The following ELAPOR2 variants were observed in gnomAD, a reference collection of about 807,000 sequenced individuals.
The protein encoded by ELAPOR2 is endosome-lysosome associated apoptosis and autophagy regulator family member 2, also known as endosome/lysosome-associated apoptosis and autophagy regulator family member 2.
Under a neutral mutation model 120.7 loss-of-function variants are expected in ELAPOR2, and 89 were observed. The observed-to-expected ratio is 0.74, with a 90% CI of 0.62 to 0.88. The LOEUF is 0.88. ELAPOR2 is among the 40% of genes least tolerant of loss of function. The pLI, the probability that ELAPOR2 is intolerant of heterozygous loss-of-function variation, is 0.00. For missense variants in ELAPOR2, 1,134 were observed against 1,251.6 expected, an observed-to-expected ratio of 0.91 and a Z score of 1.42; for synonymous variants, 444 against 444.9, an observed-to-expected ratio of 1.00 and a Z score of 0.03.
intron 1 of ELAPOR2, among the ~76,000 whole-genome samples, chr7:87,047,825 G>T (rs1239841701): frequency 1.3e-5 from 2 of 152,158 alleles, no homozygotes; most frequent in East Asian, 3.8e-4. Context: ...TGCTGGTTAT[G>T]GACTCAAAAG....
At chr7:86,889,326 G>A (rs1012469961) in intron 21 of ELAPOR2, among the ~76,000 whole-genome samples, 1 of 151,994 alleles carries the variant, frequency 6.6e-6, no homozygotes, top group African/African-American at 2.4e-5. Flanking sequence ...CCACTTGATT[G>A]AGTTTACTGC....
intron 2 of ELAPOR2, among the ~76,000 whole-genome samples, chr7:86,952,691 A>G (rs900130085): frequency 2.0e-5 from 3 of 152,230 alleles, no homozygotes; most frequent in Non-Finnish European, 4.4e-5. Flanking sequence ...ATAAAAGGAA[A>G]ATAATAACAA....
chr7:86,896,953 G>A (rs1788465021), intron 19 of ELAPOR2, among the ~76,000 whole-genome samples: 1 of 151,748 alleles, frequency 6.6e-6, no homozygotes, highest in Admixed American at 6.6e-5. Flanking sequence ...TCTCTCAAAT[G>A]TCTAACAAAG....
intron 1 of ELAPOR2, among the ~76,000 whole-genome samples, chr7:87,034,808 C>T (rs955227134): frequency 6.6e-6 from 1 of 152,050 alleles, no homozygotes; most frequent in East Asian, 1.9e-4. Context: ...TGTGGCCAGG[C>T]GCAGTGGCTC....
intron 1 of ELAPOR2, among the ~76,000 whole-genome samples, chr7:87,049,292 T>TTA (rs1445708329): frequency 1.1e-4 from 16 of 151,394 alleles, no homozygotes; most frequent in African/African-American, 3.6e-4. Context: ...ATTTATTTAT[T>TTA]TTTTTTTGAG....
At chr7:86,891,093 A>C (rs1456867863) in intron 21 of ELAPOR2, 3 of 152,082 alleles carry the variant, frequency 2.0e-5, no homozygotes, top group Non-Finnish European at 4.4e-5. Context: ...TTGTTCCAAA[A>C]TCCAAAGCCA....
intron 1 of ELAPOR2, among the ~76,000 whole-genome samples, chr7:86,982,801 C>G: frequency 6.6e-6 from 1 of 152,162 alleles, no homozygotes. Flanking sequence ...CACAGCTCCT[C>G]GCCAGCAACA....
chr7:86,915,401 T>C (rs1481532835), intron 12 of ELAPOR2, among the ~76,000 whole-genome samples: 5 of 151,962 alleles, frequency 3.3e-5, no homozygotes, highest in Non-Finnish European at 7.4e-5. Context: ...GTTCATGAAA[T>C]CCTCTCTTGC....
At chr7:86,920,901 C>T (rs1789799835) in intron 10 of ELAPOR2, 1 of 152,198 alleles carries the variant, frequency 6.6e-6, no homozygotes, top group South Asian at 2.1e-4. Flanking sequence ...AACTCTACAA[C>T]CCGACTCCCC....
intron 21 of ELAPOR2, among the ~76,000 whole-genome samples, chr7:86,890,701 G>T (rs1030011360): frequency 6.6e-6 from 1 of 152,004 alleles, no homozygotes; most frequent in Non-Finnish European, 1.5e-5. Context: ...AAAGATCTCC[G>T]ATCTTAATAA....
At chr7:86,904,032 T>C (rs941559553) in intron 18 of ELAPOR2, among the ~76,000 whole-genome samples, 9 of 152,114 alleles carry the variant, frequency 5.9e-5, no homozygotes, top group Admixed American at 3.9e-4. Context: ...ATGAGAGCAT[T>C]ATGGCATGAA....
chr7:86,965,243 G>A (rs1791862872), intron 1 of ELAPOR2, among the ~76,000 whole-genome samples: 1 of 152,066 alleles, frequency 6.6e-6, no homozygotes, highest in African/African-American at 2.4e-5. Context: ...GACAGTCAAC[G>A]CTGTCAGGTT....
At chr7:86,920,941 C>T (rs1434384539) in intron 10 of ELAPOR2, 2 of 152,216 alleles carry the variant, frequency 1.3e-5, no homozygotes, top group Non-Finnish European at 2.9e-5. Context: ...GTAGAACATT[C>T]CTTGTCTTAC....
At chr7:86,996,643 C>T (rs1332127218) in intron 1 of ELAPOR2, among the ~76,000 whole-genome samples, 7 of 152,222 alleles carry the variant, frequency 4.6e-5, no homozygotes, top group African/African-American at 1.7e-4. Flanking sequence ...TAAAAGACCA[C>T]ACTGGCTGCT....
At chr7:86,907,116 GTGT>G (rs1789058610) in intron 18 of ELAPOR2, among the ~76,000 whole-genome samples, 1 of 152,044 alleles carries the variant, frequency 6.6e-6, no homozygotes, top group Non-Finnish European at 1.5e-5. Flanking sequence ...ATGCTAATTT[GTGT>G]TAAATGAAGC....
chr7:86,892,032 C>T, intron 20 of ELAPOR2, 143 bp from the exon 21 acceptor site: 2 of 562,028 alleles, frequency 3.6e-6, no homozygotes, highest in Admixed American at 3.3e-5. Flanking sequence ...TAGCCTATAG[C>T]CATAGCAATA....
At chr7:86,881,357 CT>C (rs773455638) in intron 21 of ELAPOR2, among the ~76,000 whole-genome samples, 5,383 of 138,902 alleles carry the variant, frequency 0.039, 128 homozygotes, top group East Asian at 0.11. Flanking sequence ...CAAGCACGCC[CT>C]TTTTTTTTTT....
At chr7:86,930,482 C>A (rs763272142) in intron 8 of ELAPOR2, among the ~76,000 whole-genome samples, 1 of 151,878 alleles carries the variant, frequency 6.6e-6, no homozygotes, top group Non-Finnish European at 1.5e-5. Flanking sequence ...TCCTCTATAT[C>A]TTTGTCCTGC....
intron 19 of ELAPOR2, among the ~76,000 whole-genome samples, chr7:86,894,934 T>C (rs562786264): frequency 1.3e-5 from 2 of 152,216 alleles, no homozygotes; most frequent in South Asian, 4.1e-4. Flanking sequence ...AGAGCACTTC[T>C]ATCACAAGTT....
Sources: allele counts gnomAD v4.1 joint callset (sites outside exome capture counted in the v4.1 genomes callset), GRCh38; gene constraint gnomAD v4.1.1; transcripts MANE v1.5; gene names NCBI Gene and HGNC (gene_info 2026-07-23, HGNC 2026-07-21).